HHAT: variants seen among roughly 807,000 people sequenced by gnomAD.
HHAT encodes hedgehog acyltransferase.
A neutral mutation model predicts 70.8 loss-of-function variants in HHAT; 47 were observed. The ratio of observed to expected loss-of-function variants is 0.66; its 90% CI spans 0.53 to 0.85. The LOEUF is 0.85. HHAT is among the 40% of genes least tolerant of loss of function. HHAT has a pLI of 0.00. For missense variants in HHAT, 609 were observed against 604.8 expected, an observed-to-expected ratio of 1.01 and a Z score of -0.07; for synonymous variants, 228 against 247.6, an observed-to-expected ratio of 0.92 and a Z score of 0.74.
chr1:210,560,649 C>CAAA (rs563941240), intron 9 of HHAT, among the ~76,000 whole-genome samples: 1 of 124,880 alleles, frequency 8.0e-6, no homozygotes. Context: ...CCATCTCTAC[C>CAAA]AAAAAAAAAA....
chr1:210,515,208 G>T (rs1356743547), intron 9 of HHAT, among the ~76,000 whole-genome samples: 1 of 152,190 alleles, frequency 6.6e-6, no homozygotes, highest in African/African-American at 2.4e-5. Flanking sequence ...TCCAACTGGG[G>T]AATGAGAAGT....
chr1:210,421,892 G>T (rs1177314507), intron 7 of HHAT, among the ~76,000 whole-genome samples: 1 of 151,992 alleles, frequency 6.6e-6, no homozygotes, highest in Non-Finnish European at 1.5e-5. Context: ...TTGGTTTGTG[G>T]TTTGACTTCT....
intron 9 of HHAT, among the ~76,000 whole-genome samples, chr1:210,555,502 G>A (rs1377130615): frequency 6.6e-6 from 1 of 152,232 alleles, no homozygotes; most frequent in Non-Finnish European, 1.5e-5. Context: ...CTGCCCATCA[G>A]TGGGAGTCTG....
chr1:210,615,918 C>T lies in HHAT; in HGVS notation c.1246-7608C>T, dbSNP rs374207759. On this transcript the variant is annotated intron_variant, in intron 10 of 11. Coordinates refer to ENST00000261458, the MANE Select transcript of HHAT (RefSeq NM_018194.6). ...CTTGAGGAGGCAGTCTGTCTGTTCT[C>T]AGATCTCAAGCTGCGTGCTGGGAGA... is the stretch of plus-strand genomic sequence containing the variant. Among the ~76,000 whole-genome samples the T allele has an allele frequency of 3.3e-4, 50 of 152,300 alleles. 1 individual carries two copies. Among genetic ancestry groups the T allele is most frequent in the African/African-American group, 1.2e-3 (48 of 41,564 alleles).
intron 11 of HHAT, among the ~76,000 whole-genome samples, chr1:210,665,604 T>G (rs1678723608): frequency 6.6e-6 from 1 of 152,112 alleles, no homozygotes; most frequent in East Asian, 1.9e-4. Context: ...AAACTTGCCT[T>G]GGTGGAAGGA....
At chr1:210,344,692 T>G (rs1052296280) in intron 1 of HHAT, among the ~76,000 whole-genome samples, 1 of 152,198 alleles carries the variant, frequency 6.6e-6, no homozygotes, top group African/African-American at 2.4e-5. Flanking sequence ...TTGGGGCCAC[T>G]GTTATCTGCT....
In HHAT at chr1:210,578,027, C is replaced by G. The variant is rs1658314350; in HGVS notation, c.1044-9871C>G. On this transcript the variant is annotated intron_variant, in intron 9 of 11. Coordinates refer to ENST00000261458, the MANE Select transcript of HHAT (RefSeq NM_018194.6). Reference sequence around the variant, plus strand: ...CTCATAAAATGAGTTTGGAAGTGTTCTTTTTCTTCAGTTCTTTTGATGAGT... The same window carrying G: ...CTCATAAAATGAGTTTGGAAGTGTTGTTTTTCTTCAGTTCTTTTGATGAGT... Among the ~76,000 whole-genome samples, 3 of 152,172 alleles carry G rather than the reference C, an allele frequency of 2.0e-5. No homozygotes were observed. In the South Asian group the frequency reaches 6.2e-4, roughly 32 times the overall value.
intron 9 of HHAT, among the ~76,000 whole-genome samples, chr1:210,554,126 A>G (rs1462965462): frequency 6.6e-6 from 1 of 151,514 alleles, no homozygotes; most frequent in African/African-American, 2.4e-5. Context: ...TTTAAGAAAG[A>G]GAGTAATAAT....
chr1:210,669,152 C>T (rs1159155747), intron 11 of HHAT, among the ~76,000 whole-genome samples: 1 of 152,128 alleles, frequency 6.6e-6, no homozygotes, highest in African/African-American at 2.4e-5. Context: ...GAAAACATAC[C>T]CTTTGACTTC....
chr1:210,435,489 T>C (rs551901239), intron 7 of HHAT, among the ~76,000 whole-genome samples: 2 of 151,968 alleles, frequency 1.3e-5, no homozygotes, highest in African/African-American at 4.8e-5. Context: ...GTGTATCCAG[T>C]AGTGGAATTG....
intron 9 of HHAT, among the ~76,000 whole-genome samples, chr1:210,519,615 C>A (rs1258188122): frequency 6.7e-6 from 1 of 148,536 alleles, no homozygotes; most frequent in South Asian, 2.2e-4. Flanking sequence ...GCAGCCTCAA[C>A]CTCCTGGACT....
intron 11 of HHAT, among the ~76,000 whole-genome samples, chr1:210,636,743 T>C (rs192150095): frequency 6.6e-6 from 1 of 152,304 alleles, no homozygotes; most frequent in East Asian, 1.9e-4. Flanking sequence ...AATCCTGCTT[T>C]TCCTCTGAGT....
chr1:210,626,822 A>G (rs1669927806), intron 11 of HHAT, among the ~76,000 whole-genome samples: 1 of 152,338 alleles, frequency 6.6e-6, no homozygotes, highest in African/African-American at 2.4e-5. Flanking sequence ...TAAAGTTAAA[A>G]AAATCTGAAT....
intron 11 of HHAT, among the ~76,000 whole-genome samples, chr1:210,635,186 C>T (rs1008358312): frequency 1.3e-5 from 2 of 151,868 alleles, no homozygotes; most frequent in Non-Finnish European, 2.9e-5. Context: ...TAAGTCCAGA[C>T]TCGGGGGATG....
At chr1:210,423,645 C>T (rs572585574) in intron 7 of HHAT, among the ~76,000 whole-genome samples, 4 of 152,112 alleles carry the variant, frequency 2.6e-5, no homozygotes, top group Admixed American at 1.3e-4. Flanking sequence ...AATGTCCTGA[C>T]GGATTCTCCT....
intron 10 of HHAT, among the ~76,000 whole-genome samples, chr1:210,618,113 A>C (rs1490565758): frequency 6.6e-6 from 1 of 152,216 alleles, no homozygotes; most frequent in Non-Finnish European, 1.5e-5. Context: ...CTGGTGAAAC[A>C]CAGACTTCTA....
chr1:210,537,395 C>T (rs1387623430), intron 9 of HHAT, among the ~76,000 whole-genome samples: 3 of 152,120 alleles, frequency 2.0e-5, no homozygotes, highest in African/African-American at 4.8e-5. Flanking sequence ...TGTTGCATTC[C>T]GTCCCAGCGC....
chr1:210,662,158 C>T (rs1189819004), intron 11 of HHAT, among the ~76,000 whole-genome samples: 4 of 152,052 alleles, frequency 2.6e-5, no homozygotes, highest in Non-Finnish European at 4.4e-5. Flanking sequence ...CAATTGGATC[C>T]CAGAGCTGTG....
At chr1:210,457,770 G>T (rs2093899831) in intron 7 of HHAT, among the ~76,000 whole-genome samples, 1 of 152,080 alleles carries the variant, frequency 6.6e-6, no homozygotes, top group South Asian at 2.1e-4. Context: ...AATTCAAAAG[G>T]TGATCTCATA....
Sources: allele counts gnomAD v4.1 joint callset (sites outside exome capture counted in the v4.1 genomes callset), GRCh38; gene constraint gnomAD v4.1.1; transcripts MANE v1.5; gene names NCBI Gene and HGNC (gene_info 2026-07-23, HGNC 2026-07-21).